Variants in BLTP3B observed in about 807,000 individuals in gnomAD.
BLTP3B encodes bridge-like lipid transfer protein family member 3B, also known as UHRF1 (ICBP90) binding protein 1-like.
At chr12:100,039,519 C>T in the BLTP3B span, 1 of 1,349,530 alleles carries the variant, frequency 7.4e-7, no homozygotes, top group Non-Finnish European at 1.0e-6. Context: ...AATAAGTAAA[C>T]AATGTTTTAA....
At chr12:100,065,270 G>C in the BLTP3B span, among the ~76,000 whole-genome samples, 3 of 151,606 alleles carry the variant, frequency 2.0e-5, no homozygotes. Flanking sequence ...ATTGAAAAAC[G>C]TGTGTTTGAA....
the BLTP3B span, among the ~76,000 whole-genome samples, chr12:100,100,275 A>AC: frequency 1.3e-5 from 2 of 152,328 alleles, no homozygotes; most frequent in South Asian, 2.1e-4. Flanking sequence ...ACTGCACTCC[A>AC]GCCTGGGCAA....
the BLTP3B span, among the ~76,000 whole-genome samples, chr12:100,056,170 T>G: frequency 2.0e-5 from 3 of 152,138 alleles, no homozygotes; most frequent in African/African-American, 7.2e-5. Flanking sequence ...TAAAGGATGA[T>G]CAGCCCATGA....
the BLTP3B span, chr12:100,084,719 A>C: frequency 1.3e-6 from 2 of 1,483,274 alleles, no homozygotes; most frequent in African/African-American, 1.4e-5. Flanking sequence ...ATTATATTAT[A>C]GTAATGCTTC....
the BLTP3B span, among the ~76,000 whole-genome samples, chr12:100,124,139 TGGTG>T: frequency 6.6e-6 from 1 of 151,160 alleles, no homozygotes; most frequent in African/African-American, 2.4e-5. Flanking sequence ...CCAAGCATGG[TGGTG>T]CATGCCTGTA....
the BLTP3B span, chr12:100,108,619 T>A: frequency 7.8e-7 from 1 of 1,290,158 alleles, no homozygotes; most frequent in Non-Finnish European, 1.1e-6. Flanking sequence ...TTTTCAAATA[T>A]ACAGAGAACT....
the BLTP3B span, among the ~76,000 whole-genome samples, chr12:100,089,567 C>CAAAAA: frequency 1.3e-5 from 2 of 151,638 alleles, no homozygotes; most frequent in Non-Finnish European, 2.9e-5. Flanking sequence ...CTCAAAAAAA[C>CAAAAA]AAAAACAAAA....
the BLTP3B span, among the ~76,000 whole-genome samples, chr12:100,078,831 C>T: frequency 2.6e-5 from 4 of 152,038 alleles, no homozygotes; most frequent in South Asian, 8.3e-4. Context: ...GTAACTCTGA[C>T]AGTTCCCACG....
the BLTP3B span, chr12:100,102,700 C>CT: frequency 9.2e-3 from 6,481 of 703,212 alleles, 8 homozygotes; most frequent in South Asian, 0.013. Flanking sequence ...GAGGTTAAGG[C>CT]TTTTTTTTTT....
At chr12:100,079,052 T>A in the BLTP3B span, among the ~76,000 whole-genome samples, 1 of 152,214 alleles carries the variant, frequency 6.6e-6, no homozygotes, top group Admixed American at 6.5e-5. Flanking sequence ...ACTTCCCCAG[T>A]CATGTGGAAC....
chr12:100,140,733 T>A, the BLTP3B span, among the ~76,000 whole-genome samples: 9,101 of 69,728 alleles, frequency 0.13, 726 homozygotes, highest in Non-Finnish European at 0.16. Flanking sequence ...AAAAAAAATA[T>A]ATATATATAT....
the BLTP3B span, among the ~76,000 whole-genome samples, chr12:100,141,446 TACACAC>T: frequency 6.0e-5 from 9 of 150,988 alleles, no homozygotes; most frequent in Middle Eastern, 3.4e-3. Flanking sequence ...TATATATATG[TACACAC>T]ACACACACAC....
chr12:100,129,011 T>C, the BLTP3B span, among the ~76,000 whole-genome samples: 3 of 152,112 alleles, frequency 2.0e-5, no homozygotes, highest in Non-Finnish European at 4.4e-5. Flanking sequence ...TGAGATACTA[T>C]GTCATAGAAG....
chr12:100,081,927 C>G, the BLTP3B span, among the ~76,000 whole-genome samples: 1 of 152,152 alleles, frequency 6.6e-6, no homozygotes, highest in East Asian at 1.9e-4. Context: ...GGTATATACC[C>G]AGTAATGGGA....
At chr12:100,047,584 G>A in the BLTP3B span, 2 of 1,613,514 alleles carry the variant, frequency 1.2e-6, no homozygotes, top group Non-Finnish European at 1.7e-6. Context: ...TGATCAATAT[G>A]TACAGTTACA....
chr12:100,132,634 C>T, the BLTP3B span, among the ~76,000 whole-genome samples: 2 of 152,148 alleles, frequency 1.3e-5, no homozygotes, highest in East Asian at 3.9e-4. Context: ...GCTAAATAAA[C>T]CTCTTTTCTT....
the BLTP3B span, among the ~76,000 whole-genome samples, chr12:100,046,356 G>GA: frequency 2.0e-5 from 3 of 152,080 alleles, no homozygotes; most frequent in Non-Finnish European, 4.4e-5. Flanking sequence ...ACTGGATAAA[G>GA]AAAATGTGGC....
chr12:100,069,434 A>G, the BLTP3B span, among the ~76,000 whole-genome samples: 1 of 152,100 alleles, frequency 6.6e-6, no homozygotes. Context: ...GTGTGTGTGT[A>G]TGTATATACA....
the BLTP3B span, among the ~76,000 whole-genome samples, chr12:100,107,489 G>C: frequency 6.6e-5 from 10 of 151,372 alleles, no homozygotes; most frequent in East Asian, 1.8e-3. Context: ...AAAAAAATTA[G>C]CCAGACGTGG....
Sources: allele counts gnomAD v4.1 joint callset (sites outside exome capture counted in the v4.1 genomes callset), GRCh38; gene constraint gnomAD v4.1.1; transcripts MANE v1.5; gene names NCBI Gene and HGNC (gene_info 2026-07-23, HGNC 2026-07-21).